Variants in TIMP2 observed in about 807,000 individuals in gnomAD.
The protein encoded by TIMP2 is TIMP metallopeptidase inhibitor 2, also known as metalloproteinase inhibitor 2.
Under a neutral mutation model 24.3 loss-of-function variants are expected in TIMP2, and 5 were observed. The ratio of observed to expected loss-of-function variants is 0.21; its 90% confidence interval spans 0.11 to 0.43. The LOEUF is 0.43. Among genes scored for constraint, TIMP2 ranks in the 20% least tolerant of loss-of-function variants. The probability of loss-of-function intolerance (pLI) is 1.00; values close to 1 mark genes in which losing one functional copy is unlikely to be tolerated. For synonymous variants in TIMP2, 130 were observed against 123.2 expected (o/e 1.06, Z -0.37); for missense variants, 221 against 297.5 (o/e 0.74, Z 1.89).
intron 1 of TIMP2, among the ~76,000 whole-genome samples, chr17:78,878,452 C>T (rs115043691): frequency 0.015 from 2,306 of 152,184 alleles, 68 homozygotes; most frequent in African/African-American, 0.052. Flanking sequence ...ACAAGCAGGG[C>T]GAATTCTCCC....
rs1243775158 is a variant in TIMP2 at position 78,853,778 on chromosome 17, CAAAACATTAAAAAAACAATCAGCAG to C, written c.*1864_*1888del. ...ATTACAGCTGATGTCAAAAACAAAC[CAAAACATTAAAAAAACAATCAGCAG>C]AAACAGGAGTAAATGTTACATATGA... is the stretch of plus-strand genomic sequence containing the variant. On this transcript the variant is annotated 3_prime_UTR_variant, in exon 5 of 5. Coordinates refer to ENST00000262768, the MANE Select transcript of TIMP2 (RefSeq NM_003255.5). 6.6e-6 allele frequency: 1 copy of C among 152,366 alleles called. No homozygotes were observed. The highest frequency in any genetic ancestry group is 1.5e-5 in the Non-Finnish European group (1 of 68,034). 9.4% of individuals were successfully genotyped at this position (152,366 alleles called of 1,614,324 possible).
At chr17:78,862,921 C>T (rs757675297) in intron 3 of TIMP2, among the ~76,000 whole-genome samples, 11 of 152,196 alleles carry the variant, frequency 7.2e-5, no homozygotes, top group African/African-American at 1.2e-4. Flanking sequence ...CGTAGTATTC[C>T]GTAGTATATA....
At chr17:78,898,876 T>G (rs577372622) in intron 1 of TIMP2, 1 of 152,442 alleles carries the variant, frequency 6.6e-6, no homozygotes, top group East Asian at 1.9e-4. Flanking sequence ...TAGCTGGGAC[T>G]ATAGGCACGC....
chr17:78,887,818 A>C (rs182871559), intron 1 of TIMP2, among the ~76,000 whole-genome samples: 2 of 152,180 alleles, frequency 1.3e-5, no homozygotes. Context: ...TGCCAAAAGC[A>C]CTTTTTGACA....
At chr17:78,888,145 CTTTT>C (rs1238488216) in intron 1 of TIMP2, among the ~76,000 whole-genome samples, 1 of 149,450 alleles carries the variant, frequency 6.7e-6, no homozygotes, top group Non-Finnish European at 1.5e-5. Context: ...AGGTATATAT[CTTTT>C]TGTTTCTTTT....
rs531606117 is a variant in TIMP2, at chr17:78,916,141, C to T, written c.130+8818G>A. 6.6e-5 allele frequency among the ~76,000 whole-genome samples: 10 copies of T among 152,206 alleles called. No homozygotes were observed. The South Asian group carries it at 2.1e-3, about 32-fold the overall frequency. On this transcript the variant is annotated intron_variant, in intron 1 of 4. Transcript: ENST00000262768. ...GGTTTGATGCAGAAAGAGCTGGTGT[C>T]CCCCACTAGCTCCGAGAGCTTCCTG...
At chr17:78,890,600 T>G in intron 1 of TIMP2, 4 of 1,530,838 alleles carry the variant, frequency 2.6e-6, no homozygotes, top group Non-Finnish European at 3.5e-6. Flanking sequence ...GCAGCACCAT[T>G]ATCAGTGATG....
Position 78,853,047 on chromosome 17 carries a change from A to T in TIMP2, c.*2620T>A, listed in dbSNP as rs1599141764. The T allele has an allele frequency of 6.6e-6, 1 of 152,608 alleles. No homozygotes were observed. Among genetic ancestry groups the T allele is most frequent in the Non-Finnish European group, 1.5e-5 (1 of 68,046 alleles). The allele number at this position is 152,608 out of a possible 1,614,324, so 9.5% of individuals were successfully genotyped here. On this transcript the variant is annotated 3_prime_UTR_variant, in exon 5 of 5. Transcript: ENST00000262768. ...TCAAGAATGATACAAAGCATCAGAGACATGCGCAGTCTGCTTGTCAACTTT... is the reference window on the plus strand; with the variant it reads ...TCAAGAATGATACAAAGCATCAGAGTCATGCGCAGTCTGCTTGTCAACTTT...
In TIMP2 at chr17:78,889,475, T is replaced by G. The variant is rs61386154; in HGVS notation, c.131-15556A>C. Among the ~76,000 whole-genome samples, 1,092 of 152,362 alleles carry G rather than the reference T, an allele frequency of 7.2e-3. 15 individuals carry two copies. The highest frequency in any genetic ancestry group is 0.025 in the African/African-American group (1,045 of 41,588). ...CGTGCTATTTAAACAATGTTGGTTT[T>G]GTTGTGACTTTGAAAGACTAAGAGG... On this transcript the variant is annotated intron_variant, in intron 1 of 4. Coordinates refer to ENST00000262768, the MANE Select transcript of TIMP2 (RefSeq NM_003255.5).
At chr17:78,886,372 C>T (rs752807239) in intron 1 of TIMP2, among the ~76,000 whole-genome samples, 19 of 151,006 alleles carry the variant, frequency 1.3e-4, no homozygotes, top group Non-Finnish European at 2.4e-4. Flanking sequence ...AGGAAGACCT[C>T]GGCTACTCAA....
chr17:78,856,290 C>T (rs530307807), intron 4 of TIMP2: 1 of 194,326 alleles, frequency 5.1e-6, no homozygotes, highest in Non-Finnish European at 1.1e-5. Context: ...CCCTAGGCTA[C>T]AAGAGGATGA....
chr17:78,874,015 G>T, intron 1 of TIMP2, 96 bp from the exon 2 acceptor site: 1 of 1,154,638 alleles, frequency 8.7e-7, no homozygotes, highest in East Asian at 2.4e-5. Flanking sequence ...GGGAGGTGCT[G>T]GGGGGTTACA....
At chr17:78,916,638 G>C (rs183420827) in intron 1 of TIMP2, among the ~76,000 whole-genome samples, 156 of 152,172 alleles carry the variant, frequency 1.0e-3, no homozygotes, top group African/African-American at 3.6e-3. Context: ...CCTGGTAACT[G>C]CGAGCCTCTC....
intron 1 of TIMP2, chr17:78,901,997 C>T (rs1006156915): frequency 1.4e-5 from 8 of 582,522 alleles, no homozygotes; most frequent in Non-Finnish European, 2.5e-5. Context: ...TCTCTGAGTT[C>T]TAGCCTCTAA....
intron 1 of TIMP2, chr17:78,890,724 G>A (rs970440076): frequency 1.5e-5 from 23 of 1,550,658 alleles, no homozygotes; most frequent in Non-Finnish European, 1.8e-5. Context: ...AAGATCTGCT[G>A]CTGCTGGTCT....
chr17:78,892,351 C>T (rs1367559081), intron 1 of TIMP2: 3 of 1,550,672 alleles, frequency 1.9e-6, no homozygotes, highest in Middle Eastern at 1.7e-4. Context: ...TGTCTGCGAA[C>T]CCAGCAGATA....
At chr17:78,865,020 C>T (rs2069599002) in intron 3 of TIMP2, among the ~76,000 whole-genome samples, 1 of 152,156 alleles carries the variant, frequency 6.6e-6, no homozygotes, top group Non-Finnish European at 1.5e-5. Flanking sequence ...CGCCACTGCA[C>T]TCCAGCCTGG....
rs370636811 is a variant in TIMP2, at chr17:78,853,467, C to T, written c.*2200G>A. 7.9e-5 allele frequency: 12 copies of T among 152,350 alleles called. No individual in the cohort carries two copies. In the East Asian group the frequency reaches 2.3e-3, roughly 29 times the overall value. The allele number at this position is 152,350 out of a possible 1,614,324, so 9.4% of individuals were successfully genotyped here. On this transcript the variant is annotated 3_prime_UTR_variant, in exon 5 of 5. Transcript: ENST00000262768. ...AACCTGTTTTGTTTTCTGCTCAGCA[C>T]GGTTAAAAGACCAACGTGTGTGGAT... is the stretch of plus-strand genomic sequence containing the variant.
intron 1 of TIMP2, among the ~76,000 whole-genome samples, chr17:78,884,672 C>T (rs2069809834): frequency 6.6e-6 from 1 of 152,160 alleles, no homozygotes; most frequent in Non-Finnish European, 1.5e-5. Context: ...AGCCCCGTCT[C>T]CAGCTGGAGG....
Sources: gnomAD v4.1 joint callset for allele counts (sites outside exome capture counted in the v4.1 genomes callset) on GRCh38, gnomAD v4.1.1 for gene constraint, MANE v1.5 for transcripts, NCBI Gene and HGNC (gene_info 2026-07-23, HGNC 2026-07-21) for gene names.